Variants in NBAS observed in about 807,000 individuals in gnomAD.
NBAS encodes the protein NBAS subunit of NRZ tethering complex, also known as NAG/BC035112 fusion.
In NBAS, 219 loss-of-function variants were observed where a neutral mutation model predicts 302.5. The ratio of observed to expected loss-of-function variants is 0.72; its 90% CI spans 0.65 to 0.81. The LOEUF is 0.81. Ranked by LOEUF, NBAS falls within the 30% of genes least tolerant of loss-of-function variation. The pLI is 0.00. For synonymous variants in NBAS, 1,118 were observed against 1,021.6 expected (o/e 1.09, Z -1.80); for missense variants, 2,932 against 2,841.6 (o/e 1.03, Z -0.72).
intron 5 of NBAS, 86 bp downstream of exon 5, chr2:15,553,340 T>G: frequency 8.5e-7 from 1 of 1,180,266 alleles, no homozygotes; most frequent in Non-Finnish European, 1.2e-6. Context: ...TTTAAATATA[T>G]CCCCTATAAA....
the NBAS span, among the ~76,000 whole-genome samples, chr2:14,990,155 G>A: frequency 6.6e-6 from 1 of 150,978 alleles, no homozygotes; most frequent in South Asian, 2.1e-4. Context: ...GCTCACACCT[G>A]TAACCCCAGT....
intron 42 of NBAS, 37 bp downstream of exon 42, chr2:15,287,036 A>G: frequency 6.7e-7 from 1 of 1,487,382 alleles, no homozygotes. Flanking sequence ...CTAAAGAAAG[A>G]CATGGAAACA....
At chr2:15,034,293 A>AAAGAAAGAAAGG in the NBAS span, among the ~76,000 whole-genome samples, 1 of 96,616 alleles carries the variant, frequency 1.0e-5, no homozygotes, top group Non-Finnish European at 2.2e-5. Context: ...AGAAAGAAAG[A>AAAGAAAGAAAGG]AAGAAAGAAA....
chr2:14,783,030 G>GA, the NBAS span, among the ~76,000 whole-genome samples: 1 of 152,020 alleles, frequency 6.6e-6, no homozygotes, highest in Non-Finnish European at 1.5e-5. Flanking sequence ...CCCAGATGAT[G>GA]AAAAAATCTG....
chr2:15,318,512 T>C lies in NBAS; in HGVS notation c.4582+9238A>G, dbSNP rs549994547. On this transcript the variant is annotated intron_variant, in intron 38 of 51. Coordinates refer to ENST00000281513, the MANE Select transcript of NBAS (RefSeq NM_015909.4). ...TTATTCAGGAGACCCATCTCACGTGTAGAGTCATACATAGCCTCAAAATAA... is the reference window on the plus strand; with the variant it reads ...TTATTCAGGAGACCCATCTCACGTGCAGAGTCATACATAGCCTCAAAATAA... 6.6e-5 allele frequency among the ~76,000 whole-genome samples: 10 copies of C among 152,216 alleles called. No individual in the cohort carries two copies. In the South Asian group the frequency reaches 2.1e-3, roughly 32 times the overall value.
At chr2:14,879,230 G>GT in the NBAS span, among the ~76,000 whole-genome samples, 106 of 152,274 alleles carry the variant, frequency 7.0e-4, no homozygotes, top group African/African-American at 2.4e-3. Context: ...CTGATTCCAA[G>GT]TTTTAAAAAT....
intron 29 of NBAS, among the ~76,000 whole-genome samples, chr2:15,382,283 C>G (rs1408804575): frequency 1.3e-5 from 2 of 152,088 alleles, no homozygotes; most frequent in Admixed American, 6.5e-5. Flanking sequence ...GATTATACTC[C>G]CAGTCAACTG....
At chr2:15,127,885 G>A in the NBAS span, among the ~76,000 whole-genome samples, 22 of 152,148 alleles carry the variant, frequency 1.4e-4, no homozygotes, top group East Asian at 3.9e-4. Flanking sequence ...ACCCAGATGG[G>A]CACATGAGCA....
intron 51 of NBAS, among the ~76,000 whole-genome samples, chr2:15,169,869 G>A (rs185351854): frequency 4.6e-5 from 7 of 152,324 alleles, no homozygotes; most frequent in Non-Finnish European, 7.3e-5. Context: ...ATGCTAATGC[G>A]TGCACACACA....
the NBAS span, among the ~76,000 whole-genome samples, chr2:14,788,480 G>A: frequency 2.6e-5 from 4 of 152,116 alleles, no homozygotes; most frequent in African/African-American, 9.7e-5. Context: ...TGATGATGGT[G>A]ATGTACAGAT....
At chr2:15,396,237 C>G (rs1257124581) in intron 27 of NBAS, among the ~76,000 whole-genome samples, 176 bp downstream of exon 27, 1 of 152,134 alleles carries the variant, frequency 6.6e-6, no homozygotes, top group African/African-American at 2.4e-5. Flanking sequence ...TATTCTATTA[C>G]TCCACTACAA....
the NBAS span, among the ~76,000 whole-genome samples, chr2:14,972,637 G>C: frequency 2.0e-5 from 3 of 152,260 alleles, no homozygotes; most frequent in Non-Finnish European, 2.9e-5. Context: ...GACTTTCTAA[G>C]GTCACCAAGT....
the NBAS span, among the ~76,000 whole-genome samples, chr2:14,828,499 T>G: frequency 6.6e-6 from 1 of 152,148 alleles, no homozygotes; most frequent in African/African-American, 2.4e-5. Flanking sequence ...TCAAACCACA[T>G]GAGAGGAATC....
At chr2:15,468,231 C>A in intron 17 of NBAS, 151 bp downstream of exon 17, 1 of 853,984 alleles carries the variant, frequency 1.2e-6, no homozygotes, top group South Asian at 1.6e-5. Context: ...GCCTGATGAG[C>A]AATGACTTCA....
intron 35 of NBAS, among the ~76,000 whole-genome samples, chr2:15,342,887 T>C (rs1223365872): frequency 6.6e-6 from 1 of 151,642 alleles, no homozygotes; most frequent in African/African-American, 2.4e-5. Flanking sequence ...TTTCTGTAAC[T>C]AAAGAAAACA....
At chr2:14,992,100 C>T in the NBAS span, among the ~76,000 whole-genome samples, 1 of 152,126 alleles carries the variant, frequency 6.6e-6, no homozygotes, top group South Asian at 2.1e-4. Flanking sequence ...AGCAAGCTTG[C>T]ACTTTGGAGG....
chr2:15,147,453 T>TGTG, the NBAS span, among the ~76,000 whole-genome samples: 1 of 151,828 alleles, frequency 6.6e-6, no homozygotes, highest in Non-Finnish European at 1.5e-5. Context: ...ATTAGCCTGG[T>TGTG]GTGCTGGCGC....
chr2:15,051,869 C>G, the NBAS span, among the ~76,000 whole-genome samples: 1 of 152,148 alleles, frequency 6.6e-6, no homozygotes, highest in African/African-American at 2.4e-5. Context: ...TGTTCTTTCT[C>G]TAGTCTCAGA....
chr2:15,048,212 G>A, the NBAS span, among the ~76,000 whole-genome samples: 1 of 152,230 alleles, frequency 6.6e-6, no homozygotes, highest in African/African-American at 2.4e-5. Context: ...ACCCTGCAGT[G>A]GGGACAGCAA....
Sources: allele counts gnomAD v4.1 joint callset (sites outside exome capture counted in the v4.1 genomes callset), GRCh38; gene constraint gnomAD v4.1.1; transcripts MANE v1.5; gene names NCBI Gene and HGNC (gene_info 2026-07-23, HGNC 2026-07-21).